The following DISC1 variants were observed in gnomAD, a reference collection of about 807,000 sequenced individuals.
DISC1 encodes DISC1 scaffold protein.
Under a neutral mutation model 84.5 loss-of-function variants are expected in DISC1, and 57 were observed. The observed-to-expected ratio is 0.67, with a 90% CI of 0.55 to 0.84. The LOEUF (loss-of-function observed/expected upper bound fraction) is 0.84. Ranked by LOEUF, DISC1 falls within the 40% of genes least tolerant of loss-of-function variation. The pLI, the probability that DISC1 is intolerant of heterozygous loss-of-function variation, is 0.00. For missense variants in DISC1, 1,000 were observed against 1,057.8 expected, an observed-to-expected ratio of 0.95 and a Z score of 0.76; for synonymous variants, 411 against 415.2, an observed-to-expected ratio of 0.99 and a Z score of 0.12.
intron 3 of DISC1, among the ~76,000 whole-genome samples, chr1:231,710,041 A>G (rs115382343): frequency 3.9e-5 from 6 of 152,238 alleles, no homozygotes; most frequent in Admixed American, 1.3e-4. Context: ...GTCAGACAGG[A>G]TGAGGCAGTG....
intron 9 of DISC1, among the ~76,000 whole-genome samples, chr1:231,862,823 G>A (rs539356041): frequency 7.2e-5 from 11 of 152,328 alleles, no homozygotes; most frequent in African/African-American, 2.4e-4. Context: ...GCTGGCAGCA[G>A]CTGCTGTTTG....
At chr1:231,818,608 G>C in intron 9 of DISC1, 91 bp downstream of exon 9, 4 of 1,567,846 alleles carry the variant, frequency 2.6e-6, no homozygotes, top group Non-Finnish European at 3.5e-6. Context: ...TTATGTGAAC[G>C]TCACTGTGAA....
At chr1:231,658,989 C>T (rs889654467) in intron 1 of DISC1, among the ~76,000 whole-genome samples, 1 of 152,028 alleles carries the variant, frequency 6.6e-6, no homozygotes, top group Admixed American at 6.6e-5. Flanking sequence ...ATGATGCTGG[C>T]CTCATAGAAT....
At chr1:231,673,655 C>G (rs915348414) in intron 1 of DISC1, among the ~76,000 whole-genome samples, 6 of 152,184 alleles carry the variant, frequency 3.9e-5, no homozygotes, top group Non-Finnish European at 4.4e-5. Context: ...ACCAAACGGA[C>G]TACAGCACAT....
intron 9 of DISC1, among the ~76,000 whole-genome samples, chr1:231,836,204 A>G (rs2082620869): frequency 6.6e-6 from 1 of 151,710 alleles, no homozygotes; most frequent in African/African-American, 2.4e-5. Flanking sequence ...ATTATTTCCC[A>G]TTTTCTTAAG....
At chr1:231,697,508 T>C (rs1298926027) in intron 2 of DISC1, among the ~76,000 whole-genome samples, 1 of 152,012 alleles carries the variant, frequency 6.6e-6, no homozygotes, top group Non-Finnish European at 1.5e-5. Context: ...GGTGTGATCA[T>C]AACTCACTGC....
chr1:231,702,267 C>T, intron 3 of DISC1: 1 of 1,194,210 alleles, frequency 8.4e-7, no homozygotes, highest in Non-Finnish European at 1.0e-6. Flanking sequence ...ACTTAGCATA[C>T]TCACACAATA....
At chr1:231,696,618 C>T (rs1572960307) in intron 2 of DISC1, among the ~76,000 whole-genome samples, 2 of 152,324 alleles carry the variant, frequency 1.3e-5, no homozygotes, top group East Asian at 3.9e-4. Context: ...TGACGGATCA[C>T]ATATATGATG....
chr1:231,987,864 A>G (rs1664668434), intron 10 of DISC1, among the ~76,000 whole-genome samples: 1 of 152,198 alleles, frequency 6.6e-6, no homozygotes, highest in Non-Finnish European at 1.5e-5. Context: ...GTGACTTGGC[A>G]ATCCAGAAGC....
intron 1 of DISC1, among the ~76,000 whole-genome samples, chr1:231,669,684 C>T (rs926029192): frequency 1.3e-5 from 2 of 151,956 alleles, no homozygotes; most frequent in South Asian, 2.1e-4. Flanking sequence ...TACCATCTAA[C>T]ACCAGTCAGA....
chr1:231,694,652 C>T lies in DISC1; in HGVS notation c.894C>T (p.Asp298=). Residue 298 remains aspartate, a synonymous_variant, in exon 2 of 13, where the codon GAC becomes GAT. Coordinates refer to ENST00000439617, the MANE Select transcript of DISC1 (RefSeq NM_018662.3). The stretch of plus-strand genomic sequence containing the variant: ...ACATGCATTCTTTACCAGACATGGA[C>T]CCTGGCTCCTCCAGTTCTCTGGATC... ...ERDMHSLPDM[D]PGSSSSLDPS... The T allele has an allele frequency of 6.2e-7, 1 of 1,614,256 alleles. No individual in the cohort carries two copies. The highest frequency in any genetic ancestry group is 8.5e-7 in the Non-Finnish European group (1 of 1,180,050).
intron 3 of DISC1, among the ~76,000 whole-genome samples, chr1:231,717,342 A>G (rs2068890944): frequency 6.6e-6 from 1 of 152,202 alleles, no homozygotes; most frequent in East Asian, 1.9e-4. Flanking sequence ...GAGTGGGTAG[A>G]AAGTTATAGG....
At position 232,008,943 on chromosome 1, in the gene DISC1, C is replaced by T. The variant is rs371690077; in HGVS notation, c.2201C>T (p.Pro734Leu). Reference sequence around the variant, plus strand: ...GAGGGAGCTGCTCCTCCTATTCCCCCCAGGCTCCACTCCGAGGATAAAAGG... The same window carrying T: ...GAGGGAGCTGCTCCTCCTATTCCCCTCAGGCTCCACTCCGAGGATAAAAGG... ...DLEGAAPPIPPRLHSEDKRKT... is the reference protein window; with the variant it reads ...DLEGAAPPIPLRLHSEDKRKT... The change falls in exon 11 of 13, where the codon CCC becomes CTC. Residue 734 changes from proline to leucine, a missense_variant. Physicochemically the swap from Pro to Leu is moderately conservative, Grantham distance 98. Transcript: ENST00000439617. 5.6e-6 allele frequency: 9 copies of T among 1,613,512 alleles called. No individual in the cohort carries two copies. Among genetic ancestry groups the T allele is most frequent in the Non-Finnish European group, 7.6e-6 (9 of 1,179,674 alleles).
intron 10 of DISC1, among the ~76,000 whole-genome samples, chr1:232,002,595 G>GCACACACACA (rs55740228): frequency 5.5e-4 from 79 of 143,730 alleles, no homozygotes; most frequent in African/African-American, 1.3e-3. Context: ...ATTATGCTGA[G>GCACACACACA]CACACACACA....
intron 1 of DISC1, among the ~76,000 whole-genome samples, chr1:231,685,793 C>A (rs1488653485): frequency 6.6e-6 from 1 of 152,168 alleles, no homozygotes; most frequent in Non-Finnish European, 1.5e-5. Context: ...AGTCCAAAGT[C>A]TCATCTGAGA....
intron 8 of DISC1, among the ~76,000 whole-genome samples, chr1:231,802,830 C>G (rs1029652804): frequency 2.0e-5 from 3 of 152,028 alleles, no homozygotes; most frequent in African/African-American, 4.8e-5. Flanking sequence ...TTTTTTGCCA[C>G]TACAAGGATC....
intron 3 of DISC1, chr1:231,724,088 C>T: frequency 1.1e-6 from 1 of 923,088 alleles, no homozygotes; most frequent in Non-Finnish European, 1.3e-6. Flanking sequence ...TGGATATTGT[C>T]ACCTGCTAAT....
intron 11 of DISC1, among the ~76,000 whole-genome samples, chr1:232,018,282 A>G (rs1256351570): frequency 3.3e-5 from 5 of 152,234 alleles, no homozygotes; most frequent in Non-Finnish European, 5.9e-5. Context: ...CTTTGAATAT[A>G]AGCTCCAGTT....
intron 9 of DISC1, among the ~76,000 whole-genome samples, chr1:231,936,758 G>A (rs2091003857): frequency 6.6e-6 from 1 of 152,106 alleles, no homozygotes; most frequent in East Asian, 1.9e-4. Context: ...AATTAAGAAG[G>A]AGCCCATAGG....
Sources: gnomAD v4.1 joint callset for allele counts (sites outside exome capture counted in the v4.1 genomes callset) on GRCh38, gnomAD v4.1.1 for gene constraint, MANE v1.5 for transcripts, NCBI Gene and HGNC (gene_info 2026-07-23, HGNC 2026-07-21) for gene names.